PLCH2: variants seen among roughly 807,000 people sequenced by gnomAD.
PLCH2 encodes phospholipase C eta 2.
A neutral mutation model predicts 134.7 loss-of-function variants in PLCH2; 98 were observed. The observed-to-expected ratio is 0.73, with a 90% confidence interval of 0.62 to 0.86. The LOEUF (loss-of-function observed/expected upper bound fraction) is 0.86. PLCH2 is among the 40% of genes least tolerant of loss of function. The pLI is 0.00. For synonymous variants in PLCH2, 974 were observed against 827.5 expected (o/e 1.18, Z -3.04); for missense variants, 1,994 against 1,986.6 (o/e 1.00, Z -0.07).
At chr1:2,424,408 T>C (rs1638669754), upstream of PLCH2, among the ~76,000 whole-genome samples, 1 of 152,202 alleles carries the variant, frequency 6.6e-6, no homozygotes, top group Non-Finnish European at 1.5e-5. Context: ...GGACCAGCTT[T>C]CTACCCTGCT....
chr1:2,462,034 T>G (rs922617292), intron 2 of PLCH2, among the ~76,000 whole-genome samples: 1 of 151,064 alleles, frequency 6.6e-6, no homozygotes, highest in African/African-American at 2.4e-5. Flanking sequence ...CCCCTCTGCC[T>G]GACACCCCCT....
chr1:2,448,247 C>T lies in PLCH2; in HGVS notation c.115+17618C>T, dbSNP rs375619830. Among the ~76,000 whole-genome samples, 6 of 152,250 alleles carry T rather than the reference C, an allele frequency of 3.9e-5. No individual in the cohort carries two copies. The highest frequency in any genetic ancestry group is 1.9e-4 in the East Asian group (1 of 5,174). Reference sequence around the variant, plus strand: ...GCCGTGCACTGGCCACTAAAAACGCCGCACGCTTATTCTCTCGCAGTCCTG... The same window carrying T: ...GCCGTGCACTGGCCACTAAAAACGCTGCACGCTTATTCTCTCGCAGTCCTG... On this transcript the variant is annotated intron_variant, in intron 2 of 3. Transcript: ENST00000609981. The surrounding 1 kb of genome is among the most constrained non-coding windows in gnomAD (Gnocchi z 4.0).
rs115659022 is a variant in PLCH2, at chr1:2,499,267, C to T, written c.2581+37C>T. The T allele has an allele frequency of 1.1e-3, 1,783 of 1,608,612 alleles. 19 individuals carry two copies. In the African/African-American group the frequency reaches 0.021, roughly 19 times the overall value. Reference sequence around the variant, plus strand: ...TGGACACGGTGCCCCCCACACTGGCCGAGGGCCCCAGGGCAGGGCAGGTAC... The same window carrying T: ...TGGACACGGTGCCCCCCACACTGGCTGAGGGCCCCAGGGCAGGGCAGGTAC... On this transcript the variant is annotated intron_variant, in intron 19 of 21. Coordinates refer to ENST00000378486, the MANE Select transcript of PLCH2 (RefSeq NM_014638.4).
chr1:2,479,420 G>A, intron 2 of PLCH2: 1 of 297,202 alleles, frequency 3.4e-6, no homozygotes, highest in Non-Finnish European at 6.5e-6. Context: ...GAGACGTGCT[G>A]GTTAAACGTG....
intron 1 of PLCH2, among the ~76,000 whole-genome samples, chr1:2,467,839 G>T (rs1641140269): frequency 1.3e-5 from 2 of 152,134 alleles, no homozygotes; most frequent in Non-Finnish European, 2.9e-5. Flanking sequence ...ACGGCCCAAT[G>T]ACCCCATTAC....
intron 2 of PLCH2, among the ~76,000 whole-genome samples, chr1:2,442,979 G>T (rs1639758678): frequency 1.3e-5 from 2 of 152,246 alleles, no homozygotes; most frequent in Non-Finnish European, 2.9e-5. Context: ...CTGGTGGGCA[G>T]GGAGGGTCCC....
At position 2,504,629 on chromosome 1, in the gene PLCH2, T is replaced by C. The variant is rs773844380; in HGVS notation, c.3667T>C (p.Ser1223Pro). Residue 1223 changes from serine (S) to proline (P), a missense_variant, in exon 22 of 22, where the codon TCC becomes CCC. Transcript: ENST00000378486. ...PPIPDELQPR[S>P]LAPRMAGLPF... ...CATACCTGACGAACTGCAGCCCAGG[T>C]CCCTGGCCCCAAGGATGGCTGGCCT... 1.8e-5 allele frequency: 29 copies of C among 1,612,662 alleles called. No homozygotes were observed. Among genetic ancestry groups the C allele is most frequent in the Non-Finnish European group, 2.1e-5 (25 of 1,179,802 alleles).
chr1:2,456,950 C>T (rs929210924), intron 2 of PLCH2, among the ~76,000 whole-genome samples: 20 of 152,206 alleles, frequency 1.3e-4, no homozygotes, highest in Non-Finnish European at 1.5e-4. Context: ...CGATCCGCAC[C>T]TCCTCTAGGC....
chr1:2,463,239 G>A (rs1640906844), upstream of PLCH2, among the ~76,000 whole-genome samples: 1 of 152,222 alleles, frequency 6.6e-6, no homozygotes, highest in Admixed American at 6.5e-5. Flanking sequence ...CAGCTGGGCT[G>A]TGAGACCCCG....
intron 2 of PLCH2, among the ~76,000 whole-genome samples, chr1:2,447,897 T>C (rs1640013670): frequency 6.6e-6 from 1 of 152,258 alleles, no homozygotes; most frequent in South Asian, 2.1e-4. Flanking sequence ...GGTCTTTCCG[T>C]CCCTCCCTGG....
At chr1:2,464,017 C>T (rs527432447), upstream of PLCH2, among the ~76,000 whole-genome samples, 1 of 152,240 alleles carries the variant, frequency 6.6e-6, no homozygotes, top group African/African-American at 2.4e-5. Flanking sequence ...TCAGGGCACC[C>T]CTTGCTGGCA....
chr1:2,480,523 G>C (rs1227328459), intron 4 of PLCH2, among the ~76,000 whole-genome samples: 4 of 152,234 alleles, frequency 2.6e-5, no homozygotes, highest in Admixed American at 6.5e-5. Context: ...CCCAGGTGCT[G>C]CCTCTTTGCA....
intron 11 of PLCH2, 61 bp downstream of exon 11, chr1:2,491,396 G>GGCCA (rs1455272656): frequency 7.1e-6 from 11 of 1,558,718 alleles, no homozygotes; most frequent in Non-Finnish European, 9.6e-6. Flanking sequence ...CCAGCCTGTG[G>GGCCA]GCCAGCCAGG....
At chr1:2,420,788 T>C in the PLCH2 span, among the ~76,000 whole-genome samples, 1 of 152,154 alleles carries the variant, frequency 6.6e-6, no homozygotes, top group African/African-American at 2.4e-5. Context: ...GATCGATTCA[T>C]TGCCTTTACC....
chr1:2,475,374 G>A (rs1041446501), upstream of PLCH2, among the ~76,000 whole-genome samples: 5 of 152,244 alleles, frequency 3.3e-5, no homozygotes, highest in Non-Finnish European at 7.3e-5. Flanking sequence ...TCCCCAGTGT[G>A]GTCACGAAGC....
Position 2,502,232 on chromosome 1 carries a change from C to T in PLCH2, c.2782C>T (p.Arg928Cys), listed in dbSNP as rs1397726627. 7.8e-6 allele frequency: 12 copies of T among 1,541,248 alleles called. No individual in the cohort carries two copies. In the Admixed American group the frequency reaches 2.0e-4, roughly 25 times the overall value. ...RPSVSQRILR[R>C]TASAPTKSQK... The stretch of plus-strand genomic sequence containing the variant: ...CTCCGTTAGCCAGCGGATCCTGCGG[C>T]GCACGGCCAGCGCCCCGACCAAGAG... The change falls in exon 21 of 22, where the codon CGC becomes TGC. Residue 928 changes from arginine to cysteine, a missense_variant. Transcript: ENST00000378486.
Position 2,504,188 on chromosome 1 carries a change from A to C in PLCH2, c.3226A>C (p.Thr1076Pro). The C allele has an allele frequency of 6.5e-7, 1 of 1,544,972 alleles. No homozygotes were observed. ...ATACGAGAGGGCCCCCGGCAGCCAG[A>C]CGGACGGCAGGAGCCAGCCCCGGAC... is the stretch of plus-strand genomic sequence containing the variant. ...GAYERAPGSQ[T>P]DGRSQPRTLG... The change falls in exon 22 of 22, where the codon ACG becomes CCG. Residue 1076 changes from threonine (T) to proline (P), a missense_variant. Thr to Pro is a conservative substitution (Grantham distance 38). Coordinates refer to ENST00000378486, the MANE Select transcript of PLCH2 (RefSeq NM_014638.4).
At chr1:2,463,102 G>A (rs987304266), upstream of PLCH2, among the ~76,000 whole-genome samples, 3 of 152,202 alleles carry the variant, frequency 2.0e-5, no homozygotes, top group African/African-American at 7.2e-5. Flanking sequence ...TTAAATGTGC[G>A]CTTGGCACCT....
At position 2,504,462 on chromosome 1, in the gene PLCH2, G is replaced by A. The variant is rs774694120; in HGVS notation, c.3500G>A (p.Arg1167His). ...DLSLPSLGLG[R>H]SRENLAGAHM... Reference sequence around the variant, plus strand: ...TCCCTGCCCAGCCTGGGCCTGGGCCGCAGCCGTGAGAACCTCGCTGGAGCC... The same window carrying A: ...TCCCTGCCCAGCCTGGGCCTGGGCCACAGCCGTGAGAACCTCGCTGGAGCC... Residue 1167 changes from arginine to histidine, a missense_variant, in exon 22 of 22, where the codon CGC (arginine) becomes CAC (histidine). Arg to His is a conservative substitution (Grantham distance 29). Transcript: ENST00000378486. The A allele has an allele frequency of 8.1e-5, 130 of 1,612,234 alleles. No individual in the cohort carries two copies. Among genetic ancestry groups the A allele is most frequent in the Admixed American group, 3.3e-5 (2 of 59,990 alleles).
Sources: allele counts gnomAD v4.1 joint callset (sites outside exome capture counted in the v4.1 genomes callset), GRCh38; gene constraint gnomAD v4.1.1; non-coding constraint Gnocchi (gnomAD v3.1); transcripts MANE v1.5; gene names NCBI Gene and HGNC (gene_info 2026-07-23, HGNC 2026-07-21).